The following ANKRD12 variants were observed in gnomAD, a reference collection of about 807,000 sequenced individuals.
ANKRD12 encodes the protein ankyrin repeat domain-containing protein 12.
Under a neutral mutation model 183.4 loss-of-function variants are expected in ANKRD12, and 85 were observed. That is an observed-to-expected ratio of 0.46 (90% CI 0.39 to 0.56). The LOEUF (loss-of-function observed/expected upper bound fraction) is 0.56, where lower values mean the gene tolerates loss of function less well. Among genes scored for constraint, ANKRD12 ranks in the 20% least tolerant of loss-of-function variants. The probability of loss-of-function intolerance (pLI) is 0.00; values close to 1 mark genes in which losing one functional copy is unlikely to be tolerated. For missense variants in ANKRD12, 2,405 were observed against 2,357.1 expected (o/e 1.02, Z -0.42); for synonymous variants, 914 against 800.2 (o/e 1.14, Z -2.40).
At position 9,258,072 on chromosome 18, in the gene ANKRD12, C is replaced by T. The variant is rs757053526; in HGVS notation, c.4805C>T (p.Thr1602Ile). The T allele has an allele frequency of 1.9e-6, 3 of 1,613,324 alleles. No homozygotes were observed. The highest frequency in any genetic ancestry group is 4.5e-5 in the East Asian group (2 of 44,868). Residue 1602 changes from threonine to isoleucine, a missense_variant, in exon 9 of 13, where the codon ACA (threonine) becomes ATA (isoleucine). By Grantham distance (89) the Thr-to-Ile change is moderately conservative (BLOSUM62 -1). Around this residue, in one of 7 missense-constraint regions of ANKRD12, gnomAD observed 1,983 missense variants for 1,725.9 expected, o/e 1.15. Transcript: ENST00000262126. The stretch of plus-strand genomic sequence containing the variant: ...AGTGATGCCTCTACCCAGCTAAATA[C>T]ACATTATGCATTTAGCAAACTAACT... ...NGSDASTQLNTHYAFSKLTYK... is the reference protein window; with the variant it reads ...NGSDASTQLNIHYAFSKLTYK...
Position 9,275,782 on chromosome 18 carries a change from G to C in ANKRD12, c.5907+115G>C, listed in dbSNP as rs1436111814. ...AACTCAACAATCATTAAAGGTCAAAGAAGAAAAAAAACTCTTTCAAGCCAG... is the reference window on the plus strand; with the variant it reads ...AACTCAACAATCATTAAAGGTCAAACAAGAAAAAAAACTCTTTCAAGCCAG... On this transcript the variant is annotated intron_variant, in intron 11 of 12. Coordinates refer to ENST00000262126, the MANE Select transcript of ANKRD12 (RefSeq NM_015208.5). The C allele has an allele frequency of 3.6e-6, 4 of 1,098,608 alleles. No homozygotes were observed. The African/African-American group carries it at 6.3e-5, about 17-fold the overall frequency. The allele number at this position is 1,098,608 out of a possible 1,614,324, so 68.1% of individuals were successfully genotyped here.
At chr18:9,213,236 C>CT (rs1473922076) in intron 6 of ANKRD12, among the ~76,000 whole-genome samples, 1 of 151,696 alleles carries the variant, frequency 6.6e-6, no homozygotes, top group Non-Finnish European at 1.5e-5. Flanking sequence ...GAATTTATGT[C>CT]TTTATTTGCT....
Position 9,263,847 on chromosome 18 carries a change from G to A in ANKRD12, c.5722G>A (p.Val1908Ile). The A allele has an allele frequency of 6.5e-7, 1 of 1,540,168 alleles. No homozygotes were observed. The highest frequency in any genetic ancestry group is 2.3e-5 in the East Asian group (1 of 43,934). The change falls in exon 10 of 13, where the codon GTT becomes ATT. Residue 1908 changes from valine (V) to isoleucine (I), a missense_variant. Physicochemically the swap from Val to Ile is conservative, Grantham distance 29 (BLOSUM62 3). Around this residue, in one of 7 missense-constraint regions of ANKRD12, gnomAD observed 162 missense variants for 272.2 expected, o/e 0.60. Coordinates refer to ENST00000262126, the MANE Select transcript of ANKRD12 (RefSeq NM_015208.5). ...TAAAGAGCTTTTTCGACAACAGGAA[G>A]TTGTAAGGATGAAACTACGTTTGCA... is the stretch of plus-strand genomic sequence containing the variant. The part of the protein sequence containing the change: ...PLKELFRQQE[V>I]VRMKLRLQHS...
chr18:9,278,202 C>T (rs1598790770), intron 11 of ANKRD12, among the ~76,000 whole-genome samples: 1 of 152,286 alleles, frequency 6.6e-6, no homozygotes, highest in East Asian at 1.9e-4. Context: ...GAACTGTTAT[C>T]CACCCTTTTA....
rs1413674284 is a variant in ANKRD12, at chr18:9,285,201, T to G, written c.*4075T>G. Reference sequence around the variant, plus strand: ...TCCAGCCTGGGCGACAGAGCGAGACTCCGTCTCAAAAAAAAAAAAAAAGAA... The same window carrying G: ...TCCAGCCTGGGCGACAGAGCGAGACGCCGTCTCAAAAAAAAAAAAAAAGAA... On this transcript the variant is annotated 3_prime_UTR_variant, in exon 13 of 13. Transcript: ENST00000262126. 1 of 137,872 alleles carries G rather than the reference T, an allele frequency of 7.3e-6. No homozygotes were observed. Among genetic ancestry groups the G allele is most frequent in the South Asian group, 2.2e-4 (1 of 4,450 alleles). 8.5% of individuals were successfully genotyped at this position (137,872 alleles called of 1,614,324 possible).
intron 8 of ANKRD12, among the ~76,000 whole-genome samples, chr18:9,237,461 T>C (rs1436760036): frequency 6.6e-6 from 1 of 152,210 alleles, no homozygotes; most frequent in Non-Finnish European, 1.5e-5. Flanking sequence ...CCTATGTTTA[T>C]TATAACATTC....
At chr18:9,268,226 C>T (rs1384657943) in intron 10 of ANKRD12, among the ~76,000 whole-genome samples, 6 of 152,096 alleles carry the variant, frequency 3.9e-5, no homozygotes, top group Non-Finnish European at 4.4e-5. Flanking sequence ...TGAAACTATT[C>T]CAATCAATAG....
chr18:9,266,633 G>T (rs2039305576), intron 10 of ANKRD12, among the ~76,000 whole-genome samples: 1 of 152,110 alleles, frequency 6.6e-6, no homozygotes, highest in African/African-American at 2.4e-5. Flanking sequence ...ACATAGAAAG[G>T]AACAACCGGT....
chr18:9,158,194 G>T (rs1267393148), intron 1 of ANKRD12, among the ~76,000 whole-genome samples: 1 of 152,130 alleles, frequency 6.6e-6, no homozygotes, highest in Non-Finnish European at 1.5e-5. Flanking sequence ...GGTTTCCTGT[G>T]TACCTTTATA....
In ANKRD12 at chr18:9,257,855, A is replaced by G; in HGVS notation, c.4588A>G (p.Ile1530Val). 1.9e-6 allele frequency: 3 copies of G among 1,613,726 alleles called. No individual in the cohort carries two copies. The highest frequency in any genetic ancestry group is 2.5e-6 in the Non-Finnish European group (3 of 1,179,906). Residue 1530 changes from isoleucine (I) to valine (V), a missense_variant, in exon 9 of 13, where the codon ATT becomes GTT. By Grantham distance (29) the Ile-to-Val change is conservative. Around this residue, in one of 7 missense-constraint regions of ANKRD12, gnomAD observed 1,983 missense variants for 1,725.9 expected, o/e 1.15. Transcript: ENST00000262126. ...GILQQKNAVQ[I>V]ISSALDTDNE... The stretch of plus-strand genomic sequence containing the variant: ...TTTACAACAAAAAAATGCAGTTCAG[A>G]TTATTAGTTCTGCTTTAGATACTGA...
Position 9,256,966 on chromosome 18 carries a change from T to G in ANKRD12, c.3699T>G (p.Phe1233Leu). The G allele has an allele frequency of 6.2e-7, 1 of 1,614,142 alleles. No individual in the cohort carries two copies. The highest frequency in any genetic ancestry group is 8.5e-7 in the Non-Finnish European group (1 of 1,179,986). The change falls in exon 9 of 13, where the codon TTT (phenylalanine) becomes TTG (leucine). Residue 1233 changes from phenylalanine to leucine, a missense_variant. Coordinates refer to ENST00000262126, the MANE Select transcript of ANKRD12 (RefSeq NM_015208.5). The stretch of plus-strand genomic sequence containing the variant: ...CTCCAGTTGAGTATGACTCTGACTT[T>G]ATGTTAGAGAGTTCAGAATCCCAAA... ...PRPPVEYDSD[F>L]MLESSESQMS... is the part of the protein sequence containing the mutation.
intron 8 of ANKRD12, among the ~76,000 whole-genome samples, chr18:9,243,973 T>C (rs1036149457): frequency 1.6e-4 from 24 of 152,254 alleles, no homozygotes; most frequent in African/African-American, 5.5e-4. Context: ...GGTTTCCGTC[T>C]CTACTAATAA....
At chr18:9,138,369 C>T (rs1466536639) in intron 1 of ANKRD12, among the ~76,000 whole-genome samples, 1 of 152,092 alleles carries the variant, frequency 6.6e-6, no homozygotes, top group Non-Finnish European at 1.5e-5. Flanking sequence ...CAAAATTAGC[C>T]AGGCGTGGTG....
rs1039560776 is a variant in ANKRD12, at chr18:9,232,015, A to G, written c.943+10016A>G. Reference sequence around the variant, plus strand: ...TTACCCATTCAGCTAGTCTGTGTCTATTAAGTGGAGAATTTAACCCATTTA... The same window carrying G: ...TTACCCATTCAGCTAGTCTGTGTCTGTTAAGTGGAGAATTTAACCCATTTA... On this transcript the variant is annotated intron_variant, in intron 8 of 12. Coordinates refer to ENST00000262126, the MANE Select transcript of ANKRD12 (RefSeq NM_015208.5). 2.0e-5 allele frequency among the ~76,000 whole-genome samples: 3 copies of G among 152,078 alleles called. No individual in the cohort carries two copies. In the East Asian group the frequency reaches 5.8e-4, roughly 29 times the overall value.
At position 9,285,577 on chromosome 18, in the gene ANKRD12, C is replaced by A. The variant is rs542104554; in HGVS notation, c.*4451C>A. The A allele has an allele frequency of 6.6e-6, 1 of 151,908 alleles. No individual in the cohort carries two copies. Among genetic ancestry groups the A allele is most frequent in the African/African-American group, 2.4e-5 (1 of 41,350 alleles). 9.4% of individuals were successfully genotyped at this position (151,908 alleles called of 1,614,324 possible). On this transcript the variant is annotated 3_prime_UTR_variant, in exon 13 of 13. Transcript: ENST00000262126. Reference sequence around the variant, plus strand: ...TTATAGTCTGTATTCAATAAAATTACCCAGATCTTAACTAGGCAGTTTGAT... The same window carrying A: ...TTATAGTCTGTATTCAATAAAATTAACCAGATCTTAACTAGGCAGTTTGAT...
chr18:9,265,232 C>A (rs367622286), intron 10 of ANKRD12, among the ~76,000 whole-genome samples: 6 of 152,346 alleles, frequency 3.9e-5, no homozygotes, highest in African/African-American at 1.2e-4. Context: ...CAGCAGAATT[C>A]TCTGCAGACT....
At chr18:9,204,770 CCTCCA>C (rs1423261854) in intron 4 of ANKRD12, among the ~76,000 whole-genome samples, 1 of 152,184 alleles carries the variant, frequency 6.6e-6, no homozygotes, top group Non-Finnish European at 1.5e-5. Flanking sequence ...CTGCCATATA[CCTCCA>C]CTCCAGTTTT....
At chr18:9,199,813 T>G (rs1262533859) in intron 3 of ANKRD12, among the ~76,000 whole-genome samples, 1 of 152,172 alleles carries the variant, frequency 6.6e-6, no homozygotes, top group Non-Finnish European at 1.5e-5. Context: ...TTACATAAAT[T>G]TATTACTGTC....
At chr18:9,180,841 A>G (rs1169854687) in intron 1 of ANKRD12, among the ~76,000 whole-genome samples, 1 of 152,092 alleles carries the variant, frequency 6.6e-6, no homozygotes, top group East Asian at 1.9e-4. Context: ...AATATTTGAC[A>G]CTCCTTTAGT....
Sources: allele counts gnomAD v4.1 joint callset (sites outside exome capture counted in the v4.1 genomes callset), GRCh38; gene constraint gnomAD v4.1.1; regional missense constraint gnomAD v4.1.1; transcripts MANE v1.5; gene names NCBI Gene and HGNC (gene_info 2026-07-23, HGNC 2026-07-21).